Variants in COTL1 observed in about 807,000 individuals in gnomAD.
COTL1 encodes coactosin like F-actin binding protein 1.
COTL1 carries 15 observed loss-of-function variants against 16.5 expected under a neutral mutation model. That is an observed-to-expected ratio of 0.91 (90% CI 0.61 to 1.40). COTL1 has a LOEUF of 1.40. Ranked by LOEUF, COTL1 falls within the 40% of genes most tolerant of loss-of-function variation. COTL1 has a pLI of 0.00. For synonymous variants in COTL1, 112 were observed against 85.3 expected (o/e 1.31, Z -1.73); for missense variants, 220 against 201.5 (o/e 1.09, Z -0.56).
At chr16:84,580,969 C>A (rs1366545873) in intron 3 of COTL1, among the ~76,000 whole-genome samples, 1 of 152,110 alleles carries the variant, frequency 6.6e-6, no homozygotes, top group Non-Finnish European at 1.5e-5. Flanking sequence ...GGTGAAACCC[C>A]ATCTCTACTA....
chr16:84,599,689 C>T (rs1330144928), intron 2 of COTL1, among the ~76,000 whole-genome samples: 2 of 152,148 alleles, frequency 1.3e-5, no homozygotes, highest in African/African-American at 4.8e-5. Context: ...CAGAGAGCGG[C>T]AAGATTGCAG....
chr16:84,568,282 GC>G (rs1329892232), intron 3 of COTL1: 1 of 152,264 alleles, frequency 6.6e-6, no homozygotes, highest in Non-Finnish European at 1.5e-5. Flanking sequence ...ACAGGCGTGA[GC>G]CACCACGCCC....
At chr16:84,583,235 T>G in intron 3 of COTL1, among the ~76,000 whole-genome samples, 1 of 152,182 alleles carries the variant, frequency 6.6e-6, no homozygotes, top group East Asian at 1.9e-4. Flanking sequence ...GCTCCTCATC[T>G]ATAAAACAGG....
At chr16:84,613,602 G>C (rs1447460576) in intron 2 of COTL1, among the ~76,000 whole-genome samples, 1 of 152,190 alleles carries the variant, frequency 6.6e-6, no homozygotes, top group Non-Finnish European at 1.5e-5. Context: ...AGGTTAATGA[G>C]CAGAGGAGTG....
intron 2 of COTL1, among the ~76,000 whole-genome samples, chr16:84,606,508 A>G (rs1162910904): frequency 6.6e-6 from 1 of 152,272 alleles, no homozygotes; most frequent in Non-Finnish European, 1.5e-5. Flanking sequence ...AAGTCACAAG[A>G]TAAACAGGTG....
chr16:84,582,336 G>T (rs1277686060), intron 3 of COTL1, among the ~76,000 whole-genome samples: 1 of 152,130 alleles, frequency 6.6e-6, no homozygotes, highest in Non-Finnish European at 1.5e-5. Flanking sequence ...CAGAGATGCA[G>T]TCTCACAATG....
intron 2 of COTL1, among the ~76,000 whole-genome samples, chr16:84,593,811 T>C (rs1389138017): frequency 2.0e-5 from 3 of 152,182 alleles, no homozygotes; most frequent in African/African-American, 7.2e-5. Context: ...TTTAACCACT[T>C]TAAAGCATCC....
intron 2 of COTL1, among the ~76,000 whole-genome samples, chr16:84,615,806 G>C (rs1038703095): frequency 3.3e-5 from 5 of 151,720 alleles, no homozygotes; most frequent in Admixed American, 6.6e-5. Context: ...GTTTACAAAA[G>C]CAATGAATGA....
intron 3 of COTL1, among the ~76,000 whole-genome samples, chr16:84,574,769 A>T (rs1904414343): frequency 6.6e-6 from 1 of 152,024 alleles, no homozygotes; most frequent in Non-Finnish European, 1.5e-5. Context: ...TTTTTAGTAG[A>T]GACGGGGTTT....
Position 84,590,288 on chromosome 16 carries a change from A to G in COTL1, c.161-26T>C, listed in dbSNP as rs755269413. 3 of 1,610,418 alleles carry G rather than the reference A, an allele frequency of 1.9e-6. No homozygotes were observed. The highest frequency in any genetic ancestry group is 2.7e-5 in the African/African-American group (2 of 74,894). ...CTGTGGCCAAAAGCGAAAAGAGAAC[A>G]TGGTGCTGCGTTAAAACACCCCCAT... On this transcript the variant is annotated intron_variant, in intron 2 of 3. Transcript: ENST00000262428. The surrounding 1 kb of genome is among the most constrained non-coding windows in gnomAD (Gnocchi z 5.5).
chr16:84,585,753 C>T (rs1023290278), intron 3 of COTL1, among the ~76,000 whole-genome samples: 1 of 152,122 alleles, frequency 6.6e-6, no homozygotes, highest in African/African-American at 2.4e-5. Flanking sequence ...CCTTTGTCAC[C>T]TAAATGGCTA....
chr16:84,573,296 G>T (rs545411409), intron 3 of COTL1, among the ~76,000 whole-genome samples: 4 of 152,246 alleles, frequency 2.6e-5, no homozygotes, highest in African/African-American at 4.8e-5. Flanking sequence ...GCTTTCAGGC[G>T]CTCAGTGGCC....
chr16:84,570,516 C>T (rs1904321681), intron 3 of COTL1, among the ~76,000 whole-genome samples: 1 of 149,856 alleles, frequency 6.7e-6, no homozygotes, highest in Non-Finnish European at 1.5e-5. Context: ...GTACTACATA[C>T]CAGAGACATA....
At chr16:84,605,470 A>G (rs1019333407) in intron 2 of COTL1, among the ~76,000 whole-genome samples, 7 of 152,332 alleles carry the variant, frequency 4.6e-5, no homozygotes, top group South Asian at 2.1e-4. Context: ...ACATGGCAAA[A>G]GGGCTTTGAG....
chr16:84,584,140 C>T (rs559511379), intron 3 of COTL1, among the ~76,000 whole-genome samples: 73 of 152,354 alleles, frequency 4.8e-4, no homozygotes, highest in African/African-American at 1.4e-3. Flanking sequence ...GGGCACCAGC[C>T]GGGTACTTCT....
Position 84,604,682 on chromosome 16 carries a change from T to G in COTL1, c.160+12819A>C, listed in dbSNP as rs576440355. On this transcript the variant is annotated intron_variant, in intron 2 of 3. Transcript: ENST00000262428. ...GAGAGCTGCAGGGTGGACACAGCCC[T>G]CTCTCTGTCCCTCTGTTAGGCAGGG... Among the ~76,000 whole-genome samples, 10 of 152,200 alleles carry G rather than the reference T, an allele frequency of 6.6e-5. No homozygotes were observed. The East Asian group carries it at 1.9e-3, about 30-fold the overall frequency.
chr16:84,604,436 T>A (rs1905169709), intron 2 of COTL1, among the ~76,000 whole-genome samples: 1 of 151,304 alleles, frequency 6.6e-6, no homozygotes, highest in Non-Finnish European at 1.5e-5. Context: ...TTACACAGCA[T>A]GAACTGCACC....
chr16:84,572,663 T>C (rs1187462494), intron 3 of COTL1, among the ~76,000 whole-genome samples: 2 of 152,182 alleles, frequency 1.3e-5, no homozygotes, highest in Non-Finnish European at 2.9e-5. Flanking sequence ...GGTTTCGTCA[T>C]GTTGCCCAGG....
intron 2 of COTL1, among the ~76,000 whole-genome samples, chr16:84,614,770 A>G (rs940523733): frequency 6.6e-6 from 1 of 152,270 alleles, no homozygotes; most frequent in South Asian, 2.1e-4. Flanking sequence ...AACTGGGGCC[A>G]CAAAAGAGCC....
Sources: gnomAD v4.1 joint callset for allele counts (sites outside exome capture counted in the v4.1 genomes callset) on GRCh38, gnomAD v4.1.1 for gene constraint, Gnocchi (gnomAD v3.1) non-coding constraint, MANE v1.5 for transcripts, NCBI Gene and HGNC (gene_info 2026-07-23, HGNC 2026-07-21) for gene names.